Variants in DLC1 observed in about 807,000 individuals in gnomAD.
DLC1 encodes rho GTPase-activating protein 7.
DLC1 carries 54 observed loss-of-function variants against 140.3 expected under a neutral mutation model. The observed-to-expected ratio is 0.38, with a 90% CI of 0.31 to 0.48. The LOEUF is 0.48. Among genes scored for constraint, DLC1 ranks in the 20% least tolerant of loss-of-function variants. DLC1 has a pLI of 0.96. For synonymous variants in DLC1, 986 were observed against 728.1 expected, an observed-to-expected ratio of 1.35 and a Z score of -5.70; for missense variants, 2,536 against 1,907.0, an observed-to-expected ratio of 1.33 and a Z score of -6.14.
chr8:13,431,482 C>CA (rs56057254), intron 2 of DLC1, among the ~76,000 whole-genome samples: 4,815 of 40,582 alleles, frequency 0.12, 1,410 homozygotes, highest in Middle Eastern at 0.2. Context: ...GACTCCGTCT[C>CA]AAAAAAAAAA....
intron 16 of DLC1, among the ~76,000 whole-genome samples, chr8:13,087,983 A>G (rs930168479): frequency 1.3e-5 from 2 of 152,244 alleles, no homozygotes; most frequent in Non-Finnish European, 2.9e-5. Context: ...CAGTTACCAA[A>G]GAGTTCAGAC....
chr8:13,426,405 A>G (rs991996781), intron 2 of DLC1, among the ~76,000 whole-genome samples: 61 of 152,342 alleles, frequency 4.0e-4, no homozygotes, highest in African/African-American at 1.4e-3. Flanking sequence ...CTACCATTGT[A>G]CTAGTAATTG....
intron 2 of DLC1, among the ~76,000 whole-genome samples, chr8:13,448,064 T>C (rs1798866322): frequency 6.6e-6 from 1 of 152,210 alleles, no homozygotes. Context: ...GACTTTACTA[T>C]GCTGAAGAGT....
chr8:13,401,387 G>T (rs1289668197), intron 3 of DLC1, 83 bp downstream of exon 3: 71 of 1,522,312 alleles, frequency 4.7e-5, no homozygotes, highest in East Asian at 6.9e-5. Context: ...CCATTAACAA[G>T]GATGTTGCCT....
chr8:13,155,806 T>G (rs1188275338), intron 5 of DLC1, among the ~76,000 whole-genome samples: 1 of 152,214 alleles, frequency 6.6e-6, no homozygotes, highest in Admixed American at 6.5e-5. Context: ...AGCTGTAGGT[T>G]GGTAGTAACT....
At chr8:13,282,985 T>G (rs534893151) in intron 5 of DLC1, among the ~76,000 whole-genome samples, 6 of 152,306 alleles carry the variant, frequency 3.9e-5, no homozygotes, top group South Asian at 2.1e-4. Flanking sequence ...TACTTTTGGA[T>G]TATAACAATT....
In DLC1 at chr8:13,429,910, A is replaced by G. The variant is rs114870237; in HGVS notation, c.1024-28291T>C. ...GGTTAAATCCACATTTGTTTTTGATATCTTTAAGTTATTCATATCATATTT... is the reference window on the plus strand; with the variant it reads ...GGTTAAATCCACATTTGTTTTTGATGTCTTTAAGTTATTCATATCATATTT... On this transcript the variant is annotated intron_variant, in intron 2 of 17. Transcript: ENST00000276297. Among the ~76,000 whole-genome samples, 1,118 of 152,306 alleles carry G rather than the reference A, an allele frequency of 7.3e-3. 17 individuals are homozygous for G. The highest frequency in any genetic ancestry group is 0.025 in the African/African-American group (1,047 of 41,570).
intron 10 of DLC1, among the ~76,000 whole-genome samples, chr8:13,097,034 A>G (rs891217790): frequency 1.6e-4 from 25 of 152,156 alleles, no homozygotes; most frequent in Admixed American, 1.5e-3. Flanking sequence ...CTAGCCTTAC[A>G]GCCTACCCCT....
chr8:13,546,247 G>T (rs1316013677), intron 1 of DLC1, among the ~76,000 whole-genome samples: 1 of 151,922 alleles, frequency 6.6e-6, no homozygotes, highest in Non-Finnish European at 1.5e-5. Flanking sequence ...GGAATTTTAT[G>T]GTCTGAAATT....
intron 5 of DLC1, among the ~76,000 whole-genome samples, chr8:13,273,876 T>C (rs1831056487): frequency 6.6e-6 from 1 of 152,130 alleles, no homozygotes; most frequent in Non-Finnish European, 1.5e-5. Flanking sequence ...AAATCTCAGA[T>C]TAGTTTTTGA....
chr8:13,094,924 G>T lies in DLC1; in HGVS notation c.3361C>A (p.Arg1121=), dbSNP rs772990320. 1 of 1,614,156 alleles carries T rather than the reference G, an allele frequency of 6.2e-7. No homozygotes were observed. The highest frequency in any genetic ancestry group is 8.5e-7 in the Non-Finnish European group (1 of 1,180,018). ...TTCATCTGGCGCAGAGCCTGAATCC[G>T]GGACTTGACCCCCGATTTTCTGAAG... ...GLFRKSGVKS[R]IQALRQMNEG... The change falls in exon 12 of 18, where the codon CGG becomes AGG. Residue 1121 remains arginine, a synonymous_variant. Transcript: ENST00000276297.
At chr8:13,199,840 A>G (rs1405806692) in intron 5 of DLC1, among the ~76,000 whole-genome samples, 1 of 152,158 alleles carries the variant, frequency 6.6e-6, no homozygotes, top group Admixed American at 6.5e-5. Context: ...ATGGCTTTTC[A>G]TAAGATGCTA....
chr8:13,453,387 G>GATATATATATATATGTGTGTATATATAT lies in DLC1; in HGVS notation c.1023+45661_1023+45662insATATATATACACACATATATATATATAT, dbSNP rs1554522998. On this transcript the variant is annotated intron_variant, in intron 2 of 17. Coordinates refer to ENST00000276297, the MANE Select transcript of DLC1 (RefSeq NM_182643.3). ...TTACTAAAAGAATAAGATGGCCCAG[G>GATATATATATATATGTGTGTATATATAT]ATATATATATATATGTGTATATATA... 4.1e-3 allele frequency among the ~76,000 whole-genome samples: 216 copies of GATATATATATATATGTGTGTATATATAT among 52,424 alleles called. 3 individuals carry two copies. Among genetic ancestry groups the GATATATATATATATGTGTGTATATATAT allele is most frequent in the Non-Finnish European group, 5.8e-3 (174 of 29,768 alleles). The allele number at this position is 52,424 out of a possible 152,430, so 34.4% of individuals were successfully genotyped here. A position where few individuals can be genotyped will look rare whatever the true frequency, so the allele number is the denominator to read the frequency against.
chr8:13,095,260 A>C lies in DLC1; in HGVS notation c.3168-15T>G. ...TGGGCACGGCCCTGTTAAAGAACAC[A>C]GAGATGGTGGTGTTGGCGGAGACAT... is the stretch of plus-strand genomic sequence containing the variant. On this transcript the variant is annotated splice_polypyrimidine_tract_variant and intron_variant, in intron 10 of 17. Transcript: ENST00000276297. 1 of 1,614,166 alleles carries C rather than the reference A, an allele frequency of 6.2e-7. No individual in the cohort carries two copies. The highest frequency in any genetic ancestry group is 8.5e-7 in the Non-Finnish European group (1 of 1,179,994).
chr8:13,231,832 G>T (rs561681435), intron 5 of DLC1, among the ~76,000 whole-genome samples: 127 of 152,322 alleles, frequency 8.3e-4, no homozygotes, highest in African/African-American at 3.0e-3. Context: ...CAAAAGCATG[G>T]ACTTAGAACC....
At chr8:13,242,508 G>A (rs555573870) in intron 5 of DLC1, among the ~76,000 whole-genome samples, 62 of 151,624 alleles carry the variant, frequency 4.1e-4, no homozygotes, top group African/African-American at 1.3e-3. Flanking sequence ...GGATCCTCCC[G>A]CCTCAGTTTC....
At chr8:13,455,754 T>A (rs1306997852) in intron 2 of DLC1, among the ~76,000 whole-genome samples, 2 of 152,158 alleles carry the variant, frequency 1.3e-5, no homozygotes, top group African/African-American at 4.8e-5. Context: ...CTCATGCATG[T>A]AATCCCAGCA....
At chr8:13,128,896 T>TGATGG (rs1821832560) in intron 5 of DLC1, among the ~76,000 whole-genome samples, 3 of 3,090 alleles carry the variant, frequency 9.7e-4, no homozygotes, top group African/African-American at 2.9e-3. Context: ...CTTCCTGTTC[T>TGATGG]CCATTAATTA....
At chr8:13,205,806 C>A (rs983111945) in intron 5 of DLC1, among the ~76,000 whole-genome samples, 1 of 152,110 alleles carries the variant, frequency 6.6e-6, no homozygotes, top group African/African-American at 2.4e-5. Flanking sequence ...ATTATCTCAT[C>A]TGAAAGAAAT....
Sources: allele counts gnomAD v4.1 joint callset (sites outside exome capture counted in the v4.1 genomes callset), GRCh38; gene constraint gnomAD v4.1.1; transcripts MANE v1.5; gene names NCBI Gene and HGNC (gene_info 2026-07-23, HGNC 2026-07-21).